The following DOP1B variants were observed in gnomAD, a reference collection of about 807,000 sequenced individuals.
DOP1B encodes the protein protein DOP1B.
A neutral mutation model predicts 233.5 loss-of-function variants in DOP1B; 174 were observed. The ratio of observed to expected loss-of-function variants is 0.75; its 90% confidence interval spans 0.66 to 0.85. The LOEUF (loss-of-function observed/expected upper bound fraction) is 0.85. DOP1B is among the 40% of genes least tolerant of loss of function. The probability of loss-of-function intolerance (pLI) is 0.00; values close to 1 mark genes in which losing one functional copy is unlikely to be tolerated. For missense variants in DOP1B, 2,652 were observed against 2,846.6 expected (o/e 0.93, Z 1.56); for synonymous variants, 1,190 against 1,185.6 (o/e 1.00, Z -0.08).
rs1242815166 is a variant in DOP1B, at chr21:36,227,835, G to A, written c.1623G>A (p.Met541Ile). ...TCFKVLSKVQ[M>I]PPSYLDTEST... ...TCAAGGTGCTCAGCAAAGTCCAGAT[G>A]CCTCCTTCCTACCTCGACACGGAGT... is the stretch of plus-strand genomic sequence containing the variant. The change falls in exon 13 of 37, where the codon ATG becomes ATA. Residue 541 changes from methionine to isoleucine, a missense_variant. This residue lies in a region of DOP1B where 2,617 missense variants were observed against 2,794.3 expected (regional missense o/e 0.94). Coordinates refer to ENST00000691173, the MANE Select transcript of DOP1B (RefSeq NM_001320714.2). 6.8e-6 allele frequency: 11 copies of A among 1,610,752 alleles called. No homozygotes were observed. Among genetic ancestry groups the A allele is most frequent in the Non-Finnish European group, 5.1e-6 (6 of 1,177,744 alleles).
At chr21:36,208,589 G>A in intron 4 of DOP1B, 126 bp from the exon 5 acceptor site, 1 of 990,390 alleles carries the variant, frequency 1.0e-6, no homozygotes, top group South Asian at 1.7e-5. Context: ...CCGGCGATGA[G>A]GAAGGTGGGG....
At chr21:36,175,812 A>G (rs9983855) in intron 2 of DOP1B, 52,272 of 151,794 alleles carry the variant, frequency 0.34, 10,604 homozygotes, top group Non-Finnish European at 0.45. Context: ...AAAGAAAAGA[A>G]AAAGAAAAAG....
intron 4 of DOP1B, among the ~76,000 whole-genome samples, chr21:36,202,837 T>C (rs531340505): frequency 2.6e-5 from 4 of 152,240 alleles, no homozygotes; most frequent in African/African-American, 9.6e-5. Flanking sequence ...TAACGAGTGG[T>C]CCAGGTCACA....
Position 36,292,242 on chromosome 21 carries a change from T to C in DOP1B, c.6645+9T>C. On this transcript the variant is annotated intron_variant, in intron 36 of 36. Transcript: ENST00000691173. ...TAAAATTAAAGTTTGGGGTAAGTGCTTTTCTTTTCTTTTCTTTTTTTTTTT... is the reference window on the plus strand; with the variant it reads ...TAAAATTAAAGTTTGGGGTAAGTGCCTTTCTTTTCTTTTCTTTTTTTTTTT... The C allele has an allele frequency of 1.3e-6, 2 of 1,537,592 alleles. No homozygotes were observed. The highest frequency in any genetic ancestry group is 1.7e-6 in the Non-Finnish European group (2 of 1,149,906).
chr21:36,198,365 G>A (rs968654601), intron 2 of DOP1B, among the ~76,000 whole-genome samples: 6 of 151,728 alleles, frequency 4.0e-5, no homozygotes, highest in Admixed American at 1.3e-4. Flanking sequence ...GGAGGCAGAG[G>A]TTGCAGTGAG....
intron 2 of DOP1B, among the ~76,000 whole-genome samples, chr21:36,165,350 TAGA>T (rs907591525): frequency 1.3e-5 from 2 of 152,218 alleles, no homozygotes; most frequent in African/African-American, 4.8e-5. Flanking sequence ...TGGTAACTCC[TAGA>T]AGAATAAAAG....
chr21:36,181,406 G>C (rs1015067817), intron 2 of DOP1B, among the ~76,000 whole-genome samples: 2 of 151,980 alleles, frequency 1.3e-5, no homozygotes, highest in African/African-American at 4.8e-5. Flanking sequence ...AGCCTCCCGA[G>C]TAGCTGGGAT....
intron 32 of DOP1B, among the ~76,000 whole-genome samples, chr21:36,282,846 C>G (rs1359523826): frequency 1.3e-5 from 2 of 151,860 alleles, no homozygotes; most frequent in Non-Finnish European, 2.9e-5. Context: ...TGTGGTGACT[C>G]ATGCCTATAA....
At chr21:36,175,805 GAA>G (rs1450340995) in intron 2 of DOP1B, 1 of 151,970 alleles carries the variant, frequency 6.6e-6, no homozygotes, top group Non-Finnish European at 1.5e-5. Flanking sequence ...AAAAAAGAAA[GAA>G]AAGAAAAAGA....
rs373714259 is a variant in DOP1B, at chr21:36,270,133, T to C, written c.5608T>C (p.Ser1870Pro). 7 of 1,613,878 alleles carry C rather than the reference T, an allele frequency of 4.3e-6. No homozygotes were observed. The highest frequency in any genetic ancestry group is 2.7e-5 in the African/African-American group (2 of 74,870). The change falls in exon 27 of 37, where the codon TCT (serine) becomes CCT (proline). Residue 1870 changes from serine to proline, a missense_variant. Ser to Pro is a moderately conservative substitution (Grantham distance 74). This residue lies in a region of DOP1B where 2,617 missense variants were observed against 2,794.3 expected (regional missense o/e 0.94). Coordinates refer to ENST00000691173, the MANE Select transcript of DOP1B (RefSeq NM_001320714.2). ...CCAACCTCAGGCCTCTCTAGAAGAA[T>C]CTGATGCTGAGGAGGACCTGTATGG... ...KAQPQASLEE[S>P]DAEEDLYDAA...
At chr21:36,292,256 CT>C (rs55884666) in intron 36 of DOP1B, 23 bp downstream of exon 36, 80,350 of 1,291,966 alleles carry the variant, frequency 0.062, 2 homozygotes, top group South Asian at 0.085. Flanking sequence ...CTTTTCTTTT[CT>C]TTTTTTTTTT....
intron 2 of DOP1B, among the ~76,000 whole-genome samples, chr21:36,176,097 C>CCTGTGTGTGTGTGTGTGT (rs1555886144): frequency 1.4e-5 from 2 of 141,744 alleles, no homozygotes; most frequent in African/African-American, 5.2e-5. Flanking sequence ...GGTGTGTGTG[C>CCTGTGTGTGTGTGTGTGT]GTGTGTGTGT....
intron 2 of DOP1B, among the ~76,000 whole-genome samples, chr21:36,174,601 C>T (rs942628429): frequency 1.3e-5 from 2 of 152,192 alleles, no homozygotes; most frequent in East Asian, 3.9e-4. Flanking sequence ...GCCTCCTGGG[C>T]TCAGGCCATC....
chr21:36,253,168 C>T (rs2067051293), intron 22 of DOP1B, among the ~76,000 whole-genome samples: 1 of 152,218 alleles, frequency 6.6e-6, no homozygotes, highest in Non-Finnish European at 1.5e-5. Context: ...CATACCAGGG[C>T]TTTCCTTCCA....
intron 23 of DOP1B, among the ~76,000 whole-genome samples, chr21:36,257,360 A>G (rs891998668): frequency 1.3e-5 from 2 of 152,174 alleles, no homozygotes; most frequent in African/African-American, 2.4e-5. Flanking sequence ...GTGTGATCTA[A>G]TACTTAATAC....
chr21:36,212,985 T>C (rs1039373018), intron 7 of DOP1B, among the ~76,000 whole-genome samples: 9 of 152,196 alleles, frequency 5.9e-5, no homozygotes, highest in Admixed American at 3.3e-4. Flanking sequence ...TTTCGCCCTG[T>C]TGGCCAGGCT....
At chr21:36,168,923 A>G (rs2065942649) in intron 2 of DOP1B, 6 of 533,366 alleles carry the variant, frequency 1.1e-5, no homozygotes, top group South Asian at 1.0e-4. Flanking sequence ...AATTTTAAAA[A>G]ATAACTTTTA....
intron 2 of DOP1B, chr21:36,168,959 T>C: frequency 1.4e-6 from 1 of 691,446 alleles, no homozygotes; most frequent in Non-Finnish European, 2.6e-6. Context: ...GTGCAAAACC[T>C]GTTCCTGGCG....
intron 27 of DOP1B, among the ~76,000 whole-genome samples, chr21:36,272,649 C>CAAAA (rs1048479594): frequency 1.7e-5 from 1 of 58,718 alleles, no homozygotes; most frequent in East Asian, 4.7e-4. Context: ...AACTCCATCT[C>CAAAA]AAAAAAAAAA....
Sources: gnomAD v4.1 joint callset for allele counts (sites outside exome capture counted in the v4.1 genomes callset) on GRCh38, gnomAD v4.1.1 for gene constraint, gnomAD v4.1.1 regional missense constraint, MANE v1.5 for transcripts, NCBI Gene and HGNC (gene_info 2026-07-23, HGNC 2026-07-21) for gene names.